Variants in USH2A observed in about 807,000 individuals in gnomAD.
USH2A encodes the protein usherin.
Under a neutral mutation model 538.9 loss-of-function variants are expected in USH2A, and 443 were observed. The observed-to-expected ratio is 0.82, with a 90% confidence interval of 0.76 to 0.89. USH2A has a LOEUF of 0.89. Ranked by LOEUF, USH2A falls within the 40% of genes least tolerant of loss-of-function variation. The probability of loss-of-function intolerance (pLI) is 0.00; values close to 1 mark genes in which losing one functional copy is unlikely to be tolerated. For missense variants in USH2A, 6,633 were observed against 6,324.8 expected (o/e 1.05, Z -1.65); for synonymous variants, 2,413 against 2,273.5 (o/e 1.06, Z -1.75).
intron 4 of USH2A, among the ~76,000 whole-genome samples, chr1:216,337,692 A>G (rs182734409): frequency 6.6e-6 from 1 of 151,500 alleles, no homozygotes; most frequent in African/African-American, 2.4e-5. Context: ...CAGACAAAGA[A>G]AAGAAGTAAA....
rs560114606 is a variant in USH2A at position 216,366,198 on chromosome 1, GA to G, written c.652-1114del. On this transcript the variant is annotated intron_variant, in intron 3 of 71. Coordinates refer to ENST00000307340, the MANE Select transcript of USH2A (RefSeq NM_206933.4). ...GCTCTGGAAAGGGGAGGGGTTGAGA[GA>G]GGGGAGGAAAGAGTGAGATTTAAGG... 1.7e-3 allele frequency among the ~76,000 whole-genome samples: 256 copies of G among 152,294 alleles called. 3 individuals are homozygous for G. Among genetic ancestry groups the G allele is most frequent in the African/African-American group, 6.0e-3 (251 of 41,580 alleles).
At chr1:216,254,474 C>T (rs2036222716) in intron 11 of USH2A, among the ~76,000 whole-genome samples, 1 of 152,004 alleles carries the variant, frequency 6.6e-6, no homozygotes. Flanking sequence ...CTAGATTGAC[C>T]TATTGGTTTT....
At chr1:216,296,044 T>C (rs1196201305) in intron 9 of USH2A, among the ~76,000 whole-genome samples, 4 of 151,992 alleles carry the variant, frequency 2.6e-5, no homozygotes, top group Non-Finnish European at 1.5e-5. Context: ...CATAAGAATG[T>C]AGTTGTCCAG....
chr1:215,637,629 A>T (rs1325711928), intron 69 of USH2A, among the ~76,000 whole-genome samples: 1 of 152,210 alleles, frequency 6.6e-6, no homozygotes, highest in East Asian at 1.9e-4. Context: ...GTATGAGAAG[A>T]ATTAAGTGTT....
chr1:215,757,302 T>C lies in USH2A; in HGVS notation c.11389+1293A>G, dbSNP rs138373070. ...GGGGAAAATAACTTTTTCTCTTTGA[T>C]CTTAGATTATAGCAGAAGGTGTTGG... On this transcript the variant is annotated intron_variant, in intron 58 of 71. Coordinates refer to ENST00000307340, the MANE Select transcript of USH2A (RefSeq NM_206933.4). Among the ~76,000 whole-genome samples the C allele has an allele frequency of 1.2e-4, 19 of 152,342 alleles. No individual in the cohort carries two copies. In the East Asian group the frequency reaches 2.9e-3, roughly 23 times the overall value.
At position 216,073,098 on chromosome 1, in the gene USH2A, T is replaced by C. The variant is rs747419030; in HGVS notation, c.5775A>G (p.Thr1925=). 2.5e-6 allele frequency: 4 copies of C among 1,613,850 alleles called. No homozygotes were observed. The South Asian group carries it at 4.4e-5, about 18-fold the overall frequency. The part of the protein sequence containing the change: ...SVYEGGLQPF[T]EYLYRVIASH... ...TAATTTAGAGGACCTCCACATTACC[T>C]GTAAAAGGCTGGAGACCACCCTCGT... Residue 1925 remains threonine (T), a splice_region_variant and synonymous_variant, in exon 28 of 72, where the codon ACA becomes ACG. Transcript: ENST00000307340.
At chr1:216,104,941 C>T (rs574335975) in intron 21 of USH2A, among the ~76,000 whole-genome samples, 11 of 152,096 alleles carry the variant, frequency 7.2e-5, no homozygotes, top group African/African-American at 2.4e-4. Context: ...GGGCTAATAT[C>T]CAGAATCAAA....
intron 32 of USH2A, among the ~76,000 whole-genome samples, chr1:216,023,463 A>AAAAAAAAAAAAAAAAAAAAAAAAAAT (rs1416208086): frequency 1.0e-5 from 1 of 96,720 alleles, no homozygotes; most frequent in Non-Finnish European, 2.4e-5. Flanking sequence ...AGCAGACAAA[A>AAAAAAAAAAAAAAAAAAAAAAAAAAT]AAAAAAAAAA....
At chr1:216,154,045 ATACAT>A (rs1482989151) in intron 21 of USH2A, among the ~76,000 whole-genome samples, 2 of 152,226 alleles carry the variant, frequency 1.3e-5, no homozygotes, top group African/African-American at 2.4e-5. Context: ...GCTATGAAAA[ATACAT>A]TACAGAGGTG....
intron 48 of USH2A, among the ~76,000 whole-genome samples, chr1:215,814,117 ATGCTTTGTGCTC>A (rs2102793499): frequency 6.7e-6 from 1 of 149,636 alleles, no homozygotes; most frequent in African/African-American, 2.4e-5. Context: ...GTCTTCAACC[ATGCTTTGTGCTC>A]TATTATAATA....
At chr1:216,082,154 A>G (rs1393970253) in intron 26 of USH2A, among the ~76,000 whole-genome samples, 5 of 152,104 alleles carry the variant, frequency 3.3e-5, no homozygotes, top group Non-Finnish European at 5.9e-5. Context: ...GCTCATTCAC[A>G]TGTTCACTCA....
chr1:215,829,168 T>C (rs76086238), intron 47 of USH2A, among the ~76,000 whole-genome samples: 2,169 of 152,294 alleles, frequency 0.014, 59 homozygotes, highest in African/African-American at 0.05. Flanking sequence ...GAAAATGCAA[T>C]GTAGAAACAG....
At chr1:215,630,751 G>C (rs938249668) in intron 70 of USH2A, among the ~76,000 whole-genome samples, 2 of 151,492 alleles carry the variant, frequency 1.3e-5, no homozygotes, top group African/African-American at 4.9e-5. Flanking sequence ...TACTCAGGAG[G>C]CTGAGGCAGG....
At position 216,249,157 on chromosome 1, in the gene USH2A, T is replaced by G. The variant is rs555274738; in HGVS notation, c.2167+1746A>C. Among the ~76,000 whole-genome samples the G allele has an allele frequency of 1.2e-3, 180 of 152,114 alleles. 3 individuals are homozygous for G. The highest frequency in any genetic ancestry group is 0.01 in the Admixed American group (153 of 15,234). ...AAAGTAAATATATATGCATATCAAGTTTTTGTTTTTATAAAAAGTACTACA... is the reference window on the plus strand; with the variant it reads ...AAAGTAAATATATATGCATATCAAGGTTTTGTTTTTATAAAAAGTACTACA... On this transcript the variant is annotated intron_variant, in intron 12 of 71. Transcript: ENST00000307340.
intron 21 of USH2A, among the ~76,000 whole-genome samples, chr1:216,128,257 T>C (rs961531933): frequency 6.6e-6 from 1 of 152,170 alleles, no homozygotes; most frequent in Non-Finnish European, 1.5e-5. Flanking sequence ...ACTTATTTGC[T>C]ACTAAAAACA....
At chr1:216,323,810 C>T (rs2037668415) in intron 7 of USH2A, 115 bp from the exon 8 acceptor site, 1 of 985,110 alleles carries the variant, frequency 1.0e-6, no homozygotes, top group Non-Finnish European at 1.6e-6. Flanking sequence ...ATTATTCATT[C>T]TAGGAAAAGC....
chr1:216,184,708 T>C (rs2034563234), intron 20 of USH2A, among the ~76,000 whole-genome samples: 1 of 151,952 alleles, frequency 6.6e-6, no homozygotes, highest in Non-Finnish European at 1.5e-5. Context: ...ATATACAAGA[T>C]TGTTGTAATT....
At chr1:216,000,332 T>C (rs1303283418) in intron 33 of USH2A, 71 bp downstream of exon 33, 2 of 1,590,666 alleles carry the variant, frequency 1.3e-6, no homozygotes, top group African/African-American at 2.7e-5. Flanking sequence ...TGTCACAAGC[T>C]CCTCCCCTGA....
intron 24 of USH2A, 175 bp from the exon 25 acceptor site, chr1:216,085,052 A>T: frequency 1.5e-6 from 1 of 645,516 alleles, no homozygotes; most frequent in Non-Finnish European, 2.7e-6. Flanking sequence ...AAATGATAGC[A>T]ATTATAATGT....
Sources: allele counts gnomAD v4.1 joint callset (sites outside exome capture counted in the v4.1 genomes callset), GRCh38; gene constraint gnomAD v4.1.1; transcripts MANE v1.5; gene names NCBI Gene and HGNC (gene_info 2026-07-23, HGNC 2026-07-21).